The following KPNA7 variants were observed in gnomAD, a reference collection of about 807,000 sequenced individuals.
KPNA7 encodes karyopherin subunit alpha 7.
Under a neutral mutation model 53.7 loss-of-function variants are expected in KPNA7, and 54 were observed. The observed-to-expected ratio is 1.01, with a 90% CI of 0.81 to 1.26. KPNA7 has a LOEUF of 1.26. Among genes scored for constraint, KPNA7 ranks in the 50% most tolerant of loss-of-function variants. KPNA7 has a pLI of 0.00. For missense variants in KPNA7, 640 were observed against 644.5 expected (o/e 0.99, Z 0.07); for synonymous variants, 276 against 259.3 (o/e 1.06, Z -0.62).
At chr7:99,203,376 G>A (rs991733247) in intron 2 of KPNA7, 136 bp from the exon 3 acceptor site, 2 of 787,622 alleles carry the variant, frequency 2.5e-6, no homozygotes, top group Non-Finnish European at 4.0e-6. Context: ...CACACAGTTA[G>A]TAAATCATCT....
the KPNA7 span, among the ~76,000 whole-genome samples, chr7:99,161,721 T>A: frequency 1.3e-5 from 2 of 152,148 alleles, no homozygotes; most frequent in Non-Finnish European, 2.9e-5. Context: ...AAATTGAGGA[T>A]AACCATTTTT....
intron 7 of KPNA7, among the ~76,000 whole-genome samples, chr7:99,187,817 A>ATT (rs1420314453): frequency 5.7e-4 from 59 of 102,836 alleles, no homozygotes; most frequent in South Asian, 1.0e-3. Flanking sequence ...AAAAAAAAAA[A>ATT]AAAAAAAAAA....
chr7:99,177,645 A>C (rs952805037), intron 10 of KPNA7, among the ~76,000 whole-genome samples: 25 of 151,724 alleles, frequency 1.6e-4, no homozygotes, highest in Non-Finnish European at 3.4e-4. Flanking sequence ...TCTCCCAAAA[A>C]GGAGACCAGT....
intron 9 of KPNA7, among the ~76,000 whole-genome samples, chr7:99,179,757 T>TC (rs1260791112): frequency 6.7e-6 from 1 of 150,368 alleles, no homozygotes; most frequent in East Asian, 2.0e-4. Flanking sequence ...GCTAATTTTT[T>TC]TGTAGAGATG....
At chr7:99,167,885 A>G in the KPNA7 span, among the ~76,000 whole-genome samples, 2 of 152,106 alleles carry the variant, frequency 1.3e-5, no homozygotes. Flanking sequence ...CACTGATTCT[A>G]CATGATGGTG....
In KPNA7 at chr7:99,185,108, G is replaced by T. The variant is rs1789512527; in HGVS notation, c.955C>A (p.Gln319Lys). 6.4e-7 allele frequency: 1 copy of T among 1,551,930 alleles called. No homozygotes were observed. Among genetic ancestry groups the T allele is most frequent in the Non-Finnish European group, 8.7e-7 (1 of 1,147,102 alleles). Residue 319 changes from glutamine to lysine, a missense_variant, in exon 8 of 11, where the codon CAG becomes AAG. Physicochemically the swap from Gln to Lys is moderately conservative, Grantham distance 53 (BLOSUM62 1). Coordinates refer to ENST00000327442, the MANE Select transcript of KPNA7 (RefSeq NM_001145715.3). ...AGCATACCCGCATCAATGGCCATCT[G>T]CGTCTGCTCATCTGTGCCCGTGACA... ...NIVTGTDEQT[Q>K]MAIDAGMLNV... is the part of the protein sequence containing the mutation.
At position 99,203,135 on chromosome 7, in the gene KPNA7, G is replaced by A. The variant is rs370119594; in HGVS notation, c.172C>T (p.Pro58Ser). The change falls in exon 3 of 11, where the codon CCT becomes TCT. Residue 58 changes from proline (P) to serine (S), a missense_variant. Transcript: ENST00000327442. Reference sequence around the variant, plus strand: ...ACCCCTTTGGCTGTTTTTTCAGAAGGTGTGTCAGGGCAGAAGCTCGTGATA... The same window carrying A: ...ACCCCTTTGGCTGTTTTTTCAGAAGATGTGTCAGGGCAGAAGCTCGTGATA... ...RNITSFCPDTPSEKTAKGVAV... is the reference protein window; with the variant it reads ...RNITSFCPDTSSEKTAKGVAV... 9.3e-5 allele frequency: 145 copies of A among 1,551,544 alleles called. No homozygotes were observed. Among genetic ancestry groups the A allele is most frequent in the Non-Finnish European group, 1.2e-4 (138 of 1,146,984 alleles).
At chr7:99,171,430 G>A (rs1036728712), downstream of KPNA7, among the ~76,000 whole-genome samples, 1 of 21,390 alleles carries the variant, frequency 4.7e-5, no homozygotes, top group Non-Finnish European at 1.8e-4. Context: ...TGGATCCCAT[G>A]CCTACCTCCT....
chr7:99,214,281 A>C (rs1408725041), intron 1 of KPNA7, among the ~76,000 whole-genome samples: 5 of 150,124 alleles, frequency 3.3e-5, no homozygotes, highest in Non-Finnish European at 7.4e-5. Context: ...AAATATACAA[A>C]AAAAAAAAAA....
At chr7:99,208,514 C>T (rs532064653), upstream of KPNA7, among the ~76,000 whole-genome samples, 1 of 152,296 alleles carries the variant, frequency 6.6e-6, no homozygotes, top group Non-Finnish European at 1.5e-5. Flanking sequence ...CCTCGGCCTC[C>T]CAAAGTGCTG....
chr7:99,190,341 A>AAAAAAAAAGCAG (rs1209692489), intron 6 of KPNA7, among the ~76,000 whole-genome samples: 10 of 151,742 alleles, frequency 6.6e-5, no homozygotes, highest in South Asian at 4.2e-4. Flanking sequence ...GTCTCAAAAA[A>AAAAAAAAAGCAG]AAAAAAAAGC....
In KPNA7 at chr7:99,195,172, C is replaced by T. The variant is rs1790161122; in HGVS notation, c.451G>A (p.Ala151Thr). Residue 151 changes from alanine to threonine, a missense_variant, in exon 5 of 11, where the codon GCC (alanine) becomes ACC (threonine). By Grantham distance (58) the Ala-to-Thr change is moderately conservative. Coordinates refer to ENST00000327442, the MANE Select transcript of KPNA7 (RefSeq NM_001145715.3). ...IASGTSEQTR[A>T]VVEGGAIQPL... ...TGGATGGCTCCCCCTTCTACCACGG[C>T]ACGAGTCTGCTCCGAAGTCCCTGAA... 2 of 1,551,484 alleles carry T rather than the reference C, an allele frequency of 1.3e-6. No homozygotes were observed. The highest frequency in any genetic ancestry group is 2.7e-5 in the African/African-American group (2 of 72,990).
In KPNA7 at chr7:99,173,754, T is replaced by C. The variant is rs767922702; in HGVS notation, c.1505A>G (p.Asp502Gly). The C allele has an allele frequency of 2.1e-5, 32 of 1,551,882 alleles. 1 individual carries two copies. In the South Asian group the frequency reaches 3.8e-4, roughly 18 times the overall value. Residue 502 changes from aspartate to glycine, a missense_variant, in exon 11 of 11, where the codon GAC becomes GGC. By Grantham distance (94) the Asp-to-Gly change is moderately conservative. Transcript: ENST00000327442. ...ATAATCTATAAATTCATAATCTTGG[T>C]CTATGACTTGGCTCAGTAAAGTTTG... ...ESQTLLSQVIDQDYEFIDYEC... is the reference protein window; with the variant it reads ...ESQTLLSQVIGQDYEFIDYEC...
intron 8 of KPNA7, among the ~76,000 whole-genome samples, chr7:99,184,505 ATT>A (rs1789472953): frequency 1.3e-5 from 2 of 152,138 alleles, no homozygotes; most frequent in African/African-American, 2.4e-5. Context: ...TTTTGTTGAC[ATT>A]ACCACTTTAA....
chr7:99,184,698 T>C (rs928436923), intron 8 of KPNA7, among the ~76,000 whole-genome samples: 5 of 152,206 alleles, frequency 3.3e-5, no homozygotes, highest in African/African-American at 1.2e-4. Context: ...GTTTGAGCCA[T>C]GGGGTCACCT....
chr7:99,209,352 CA>C (rs776977869), upstream of KPNA7, among the ~76,000 whole-genome samples: 15 of 152,024 alleles, frequency 9.9e-5, no homozygotes, highest in Non-Finnish European at 7.4e-5. Context: ...CAGTCCAGAC[CA>C]CTATCACCTC....
intron 7 of KPNA7, among the ~76,000 whole-genome samples, chr7:99,185,664 C>A (rs1276235574): frequency 6.6e-6 from 1 of 152,100 alleles, no homozygotes; most frequent in Non-Finnish European, 1.5e-5. Context: ...AAGGAACTTT[C>A]TGGCTTCCCA....
At chr7:99,219,131 G>A (rs1791287544) in intron 1 of KPNA7, among the ~76,000 whole-genome samples, 1 of 152,344 alleles carries the variant, frequency 6.6e-6, no homozygotes, top group African/African-American at 2.4e-5. Flanking sequence ...CCCGCCCCGG[G>A]CAAGAGGCTG....
At chr7:99,161,002 A>G in the KPNA7 span, among the ~76,000 whole-genome samples, 1 of 152,134 alleles carries the variant, frequency 6.6e-6, no homozygotes, top group East Asian at 1.9e-4. Flanking sequence ...CTGGGACTAC[A>G]GGCATGTGCC....
Sources: gnomAD v4.1 joint callset for allele counts (sites outside exome capture counted in the v4.1 genomes callset) on GRCh38, gnomAD v4.1.1 for gene constraint, MANE v1.5 for transcripts, NCBI Gene and HGNC (gene_info 2026-07-23, HGNC 2026-07-21) for gene names.